STAG1: variants seen among roughly 807,000 people sequenced by gnomAD.
STAG1 encodes the protein STAG1 cohesin complex component.
In STAG1, 26 loss-of-function variants were observed where a neutral mutation model predicts 170.9. The observed-to-expected ratio is 0.15, with a 90% CI of 0.11 to 0.21. The LOEUF is 0.21. Ranked by LOEUF, STAG1 falls within the 10% of genes least tolerant of loss-of-function variation. STAG1 has a pLI of 1.00. For missense variants in STAG1, 964 were observed against 1,509.5 expected (o/e 0.64, Z 5.99); for synonymous variants, 514 against 497.7 (o/e 1.03, Z -0.44).
intron 14 of STAG1, among the ~76,000 whole-genome samples, chr3:136,450,938 G>C (rs576291464): frequency 1.3e-5 from 2 of 151,936 alleles, no homozygotes; most frequent in Non-Finnish European, 2.9e-5. Flanking sequence ...TAGTAGAGAC[G>C]GACTTTTGCT....
At chr3:136,564,070 C>T (rs1447822612) in intron 5 of STAG1, among the ~76,000 whole-genome samples, 1 of 151,928 alleles carries the variant, frequency 6.6e-6, no homozygotes, top group Non-Finnish European at 1.5e-5. Flanking sequence ...AGACATCTTC[C>T]TCATTCTTTT....
At chr3:136,488,800 G>C (rs1329651953) in intron 9 of STAG1, among the ~76,000 whole-genome samples, 1 of 152,108 alleles carries the variant, frequency 6.6e-6, no homozygotes, top group African/African-American at 2.4e-5. Flanking sequence ...AAATATCCCT[G>C]ATTTGATTAC....
Position 136,666,074 on chromosome 3 carries a change from C to CAAAAAAAAAAAAAAAAAAAAAA in STAG1, c.-83-35115_-83-35094dup, listed in dbSNP as rs576009223. ...TGGGCGATAGAGTGAGACTCCATCTCAAAAAAAAAAAAAAAAAAAAAAAAA... is the reference window on the plus strand; with the variant it reads ...TGGGCGATAGAGTGAGACTCCATCTCAAAAAAAAAAAAAAAAAAAAAAAAAAAAAAAAAAAAAAAAAAAAAAA... On this transcript the variant is annotated intron_variant, in intron 1 of 33. Coordinates refer to ENST00000383202, the MANE Select transcript of STAG1 (RefSeq NM_005862.3). 1.4e-4 allele frequency among the ~76,000 whole-genome samples: 7 copies of CAAAAAAAAAAAAAAAAAAAAAA among 51,170 alleles called. 1 individual carries two copies. Among genetic ancestry groups the CAAAAAAAAAAAAAAAAAAAAAA allele is most frequent in the Non-Finnish European group, 2.9e-4 (7 of 23,810 alleles). 33.6% of individuals were successfully genotyped at this position (51,170 alleles called of 152,430 possible).
chr3:136,460,563 T>C (rs769556752), intron 13 of STAG1, among the ~76,000 whole-genome samples: 2 of 152,022 alleles, frequency 1.3e-5, no homozygotes, highest in Non-Finnish European at 2.9e-5. Context: ...GACTGTGCCA[T>C]TGTACTCCAG....
intron 2 of STAG1, among the ~76,000 whole-genome samples, chr3:136,627,930 T>C (rs1207481941): frequency 6.6e-6 from 1 of 152,216 alleles, no homozygotes; most frequent in African/African-American, 2.4e-5. Context: ...GTTTCTAGTG[T>C]TGGCCTTTCC....
chr3:136,521,568 T>G (rs1241959001), intron 6 of STAG1, 151 bp from the exon 7 acceptor site: 3 of 614,820 alleles, frequency 4.9e-6, no homozygotes, highest in Non-Finnish European at 5.6e-6. Context: ...ATTGCTTTAT[T>G]TCTCTTTGAT....
At chr3:136,540,846 A>AAAAAAAC (rs1935859839) in intron 6 of STAG1, among the ~76,000 whole-genome samples, 3 of 143,952 alleles carry the variant, frequency 2.1e-5, no homozygotes, top group Non-Finnish European at 3.0e-5. Context: ...AAAAAAAAAA[A>AAAAAAAC]AAAAAACCTA....
intron 5 of STAG1, among the ~76,000 whole-genome samples, chr3:136,557,827 C>G (rs927054165): frequency 6.6e-5 from 10 of 152,158 alleles, no homozygotes; most frequent in South Asian, 2.1e-4. Context: ...GCAAAAGCCA[C>G]AGGGCCTGGT....
At chr3:136,653,278 A>G (rs1941276106) in intron 1 of STAG1, among the ~76,000 whole-genome samples, 1 of 152,118 alleles carries the variant, frequency 6.6e-6, no homozygotes, top group Non-Finnish European at 1.5e-5. Context: ...ATCTCAAAAA[A>G]AAAAAAGAAA....
At chr3:136,537,505 G>GTTTTTTTTTTTTTTT (rs112443777) in intron 6 of STAG1, among the ~76,000 whole-genome samples, 6 of 131,868 alleles carry the variant, frequency 4.6e-5, no homozygotes, top group Non-Finnish European at 4.9e-5. Context: ...TTTTTTTTTT[G>GTTTTTTTTTTTTTTT]TTTTTTTTTT....
At chr3:136,725,984 A>C (rs1056771113) in intron 1 of STAG1, among the ~76,000 whole-genome samples, 2 of 152,168 alleles carry the variant, frequency 1.3e-5, no homozygotes, top group African/African-American at 4.8e-5. Flanking sequence ...ACACATACAG[A>C]ATAAGAACAC....
chr3:136,392,948 A>G (rs2087052089), intron 22 of STAG1, among the ~76,000 whole-genome samples: 1 of 152,092 alleles, frequency 6.6e-6, no homozygotes, highest in Non-Finnish European at 1.5e-5. Context: ...ATTTTATAAC[A>G]AAAAATAATA....
intron 1 of STAG1, among the ~76,000 whole-genome samples, chr3:136,644,537 C>T (rs1180173143): frequency 6.6e-6 from 1 of 152,042 alleles, no homozygotes; most frequent in African/African-American, 2.4e-5. Flanking sequence ...AGTAAGAATG[C>T]AAAAACTGTT....
At chr3:136,720,794 A>G (rs1933212305) in intron 1 of STAG1, among the ~76,000 whole-genome samples, 1 of 152,030 alleles carries the variant, frequency 6.6e-6, no homozygotes. Context: ...ATCTCAAAAA[A>G]AAAAGAAAAA....
At chr3:136,405,480 G>A (rs945848692) in intron 21 of STAG1, among the ~76,000 whole-genome samples, 3 of 151,562 alleles carry the variant, frequency 2.0e-5, no homozygotes, top group Non-Finnish European at 2.9e-5. Flanking sequence ...GGGCTCAAAC[G>A]ATCTGCCTGT....
intron 1 of STAG1, among the ~76,000 whole-genome samples, chr3:136,674,929 ACT>A (rs1350472489): frequency 6.6e-6 from 1 of 152,110 alleles, no homozygotes; most frequent in East Asian, 1.9e-4. Context: ...TAAGAGAGTA[ACT>A]CTCTAGCAAA....
At chr3:136,707,193 A>T (rs1456804020) in intron 1 of STAG1, among the ~76,000 whole-genome samples, 1 of 152,216 alleles carries the variant, frequency 6.6e-6, no homozygotes, top group Non-Finnish European at 1.5e-5. Flanking sequence ...ACCTAAAGAA[A>T]AATTATATAA....
intron 1 of STAG1, among the ~76,000 whole-genome samples, chr3:136,748,251 A>C (rs1439749473): frequency 2.0e-5 from 3 of 151,894 alleles, no homozygotes; most frequent in Non-Finnish European, 4.4e-5. Context: ...TATATAAAAA[A>C]TTAGCTAGGT....
intron 5 of STAG1, among the ~76,000 whole-genome samples, chr3:136,549,036 A>C (rs917989996): frequency 6.6e-6 from 1 of 152,224 alleles, no homozygotes; most frequent in Non-Finnish European, 1.5e-5. Flanking sequence ...CAGCCTGCAA[A>C]ATCGTAAACA....
Sources: gnomAD v4.1 joint callset for allele counts (sites outside exome capture counted in the v4.1 genomes callset) on GRCh38, gnomAD v4.1.1 for gene constraint, MANE v1.5 for transcripts, NCBI Gene and HGNC (gene_info 2026-07-23, HGNC 2026-07-21) for gene names.